KIF24: variants seen among roughly 807,000 people sequenced by gnomAD.
The protein encoded by KIF24 is kinesin-like protein KIF24.
In KIF24, 81 loss-of-function variants were observed where a neutral mutation model predicts 118.9. The ratio of observed to expected loss-of-function variants is 0.68; its 90% CI spans 0.57 to 0.82. KIF24 has a LOEUF of 0.82. Among genes scored for constraint, KIF24 ranks in the 40% least tolerant of loss-of-function variants. KIF24 has a pLI of 0.00. For synonymous variants in KIF24, 599 were observed against 610.0 expected, an observed-to-expected ratio of 0.98 and a Z score of 0.27; for missense variants, 1,560 against 1,661.6, an observed-to-expected ratio of 0.94 and a Z score of 1.06.
At chr9:34,314,157 G>T (rs549060118) in intron 1 of KIF24, among the ~76,000 whole-genome samples, 28 of 150,756 alleles carry the variant, frequency 1.9e-4, no homozygotes, top group South Asian at 6.3e-4. Flanking sequence ...GGGTTTTTTT[G>T]TTGTTGTTGT....
chr9:34,255,833 C>T lies in KIF24; in HGVS notation c.3774G>A (p.Pro1258=), dbSNP rs775410139. 2.6e-5 allele frequency: 42 copies of T among 1,613,850 alleles called. No homozygotes were observed. Among genetic ancestry groups the T allele is most frequent in the South Asian group, 3.3e-5 (3 of 91,072 alleles). The change falls in exon 11 of 13, where the codon CCG becomes CCA. Residue 1258 remains proline, a synonymous_variant. Coordinates refer to ENST00000402558, the MANE Select transcript of KIF24 (RefSeq NM_194313.4). The part of the protein sequence containing the change: ...SENVTWLKPR[P]ISRCLARPSS... ...TTGGCCTTGCTAAGCACCTTGAGAT[C>T]GGCCTGGGTTTGAGCCATGTGACAT...
chr9:34,279,999 T>G (rs1399459860), intron 6 of KIF24, among the ~76,000 whole-genome samples: 1 of 152,072 alleles, frequency 6.6e-6, no homozygotes, highest in Admixed American at 6.6e-5. Flanking sequence ...AATAGAACAG[T>G]GCCGGCCGGG....
intron 7 of KIF24, 27 bp from the exon 8 acceptor site, chr9:34,269,389 CT>C: frequency 1.3e-6 from 1 of 785,048 alleles, no homozygotes; most frequent in Non-Finnish European, 2.0e-6. Context: ...GCAGGAGTGA[CT>C]TCTGTGAAGC....
rs1001600977 is a variant in KIF24, at chr9:34,267,964, G to A, written c.1443+1293C>T. Reference sequence around the variant, plus strand: ...CCCAGTTTTCTTCAACCAATACACTGATATAGAAAAAATGAAAGAGGGAAT... The same window carrying A: ...CCCAGTTTTCTTCAACCAATACACTAATATAGAAAAAATGAAAGAGGGAAT... On this transcript the variant is annotated intron_variant, in intron 8 of 12. Coordinates refer to ENST00000402558, the MANE Select transcript of KIF24 (RefSeq NM_194313.4). Among the ~76,000 whole-genome samples the A allele has an allele frequency of 3.3e-5, 5 of 152,094 alleles. No individual in the cohort carries two copies. In the South Asian group the frequency reaches 8.3e-4, roughly 25 times the overall value.
chr9:34,264,160 G>A (rs999390571), intron 8 of KIF24, among the ~76,000 whole-genome samples: 4 of 152,000 alleles, frequency 2.6e-5, no homozygotes, highest in Admixed American at 6.6e-5. Flanking sequence ...AGTGGCTCAT[G>A]CCTGTAATCC....
intron 1 of KIF24, among the ~76,000 whole-genome samples, chr9:34,317,590 T>C (rs12378125): frequency 0.12 from 18,804 of 152,150 alleles, 1,518 homozygotes; most frequent in Non-Finnish European, 0.18. Flanking sequence ...AGTAGCACGA[T>C]TAAAATCTCT....
At chr9:34,265,004 A>AT (rs1300358353) in intron 8 of KIF24, among the ~76,000 whole-genome samples, 2 of 152,134 alleles carry the variant, frequency 1.3e-5, no homozygotes, top group South Asian at 2.1e-4. Context: ...GTATGTTAGC[A>AT]TTTTTTCTAA....
At chr9:34,285,945 A>T (rs1836033744) in intron 6 of KIF24, among the ~76,000 whole-genome samples, 1 of 151,168 alleles carries the variant, frequency 6.6e-6, no homozygotes, top group Non-Finnish European at 1.5e-5. Flanking sequence ...AAAAAAAAAA[A>T]AAAAAGTAAA....
intron 1 of KIF24, among the ~76,000 whole-genome samples, chr9:34,327,956 G>A (rs1376882007): frequency 6.6e-6 from 1 of 152,004 alleles, no homozygotes; most frequent in East Asian, 1.9e-4. Flanking sequence ...TCCACTACAT[G>A]TCACAGCTAT....
chr9:34,263,929 G>C (rs888406966), intron 8 of KIF24, among the ~76,000 whole-genome samples: 13 of 151,918 alleles, frequency 8.6e-5, no homozygotes, highest in African/African-American at 3.1e-4. Context: ...CAAAGGCAAA[G>C]GAATGTTCCT....
chr9:34,279,346 C>T (rs1212769589), intron 6 of KIF24, among the ~76,000 whole-genome samples: 1 of 152,120 alleles, frequency 6.6e-6, no homozygotes, highest in East Asian at 1.9e-4. Flanking sequence ...ACAGCCAAGG[C>T]AATGATAAAA....
Position 34,297,114 on chromosome 9 carries a change from G to A in KIF24, c.814C>T (p.His272Tyr). The A allele has an allele frequency of 1.3e-6, 2 of 1,536,478 alleles. No individual in the cohort carries two copies. Among genetic ancestry groups the A allele is most frequent in the South Asian group, 1.2e-5 (1 of 83,352 alleles). ...AVDLTQYILQ[H>Y]VFYFDEVFGE... ...AAGACTTCATCAAAATAAAAAACAT[G>A]CTGAAAAATAAATTTGATTTTATGG... The change falls in exon 4 of 13, where the codon CAT becomes TAT. Residue 272 changes from histidine to tyrosine, a missense_variant and splice_region_variant. His to Tyr is a moderately conservative substitution (Grantham distance 83, BLOSUM62 2). This residue lies in a region of KIF24 where 964 missense variants were observed against 988.0 expected (regional missense o/e 0.98). Transcript: ENST00000402558.
intron 1 of KIF24, among the ~76,000 whole-genome samples, chr9:34,316,932 C>T (rs548625999): frequency 1.3e-5 from 2 of 150,382 alleles, no homozygotes; most frequent in South Asian, 2.1e-4. Flanking sequence ...ATTGGCCGGG[C>T]GGCTGAGCAC....
chr9:34,269,889 GGCCA>G (rs1835437486), intron 7 of KIF24, among the ~76,000 whole-genome samples: 1 of 151,744 alleles, frequency 6.6e-6, no homozygotes, highest in African/African-American at 2.4e-5. Context: ...AGGAGTTCTA[GGCCA>G]GCCTAAGCAA....
In KIF24 at chr9:34,254,434, GAGCTGC is replaced by G. The variant is rs1443663680; in HGVS notation, c.4047_4052del (p.Gln1350_Leu1351del). The stretch of plus-strand genomic sequence containing the variant: ...CGGTGGGCCCGTGGCAGGTGAGATA[GAGCTGC>G]AGCTGGCTCCTCAGACTCTGGATAC... On this transcript the variant is annotated inframe_deletion, in exon 13 of 13. Transcript: ENST00000402558. The G allele has an allele frequency of 6.2e-7, 1 of 1,613,892 alleles. No homozygotes were observed. The highest frequency in any genetic ancestry group is 8.5e-7 in the Non-Finnish European group (1 of 1,179,866).
At chr9:34,258,428 C>T (rs1255225476) in intron 10 of KIF24, among the ~76,000 whole-genome samples, 1 of 152,172 alleles carries the variant, frequency 6.6e-6, no homozygotes, top group Non-Finnish European at 1.5e-5. Context: ...CATGATCACA[C>T]TATTACACTC....
At chr9:34,327,659 C>T (rs555555586) in intron 1 of KIF24, among the ~76,000 whole-genome samples, 6 of 152,078 alleles carry the variant, frequency 3.9e-5, no homozygotes, top group African/African-American at 1.4e-4. Flanking sequence ...GTCTACCTGA[C>T]ATCAACTACT....
chr9:34,276,112 G>T (rs1835650922), intron 6 of KIF24, among the ~76,000 whole-genome samples: 1 of 151,972 alleles, frequency 6.6e-6, no homozygotes. Context: ...AGTGAATTAA[G>T]AATAATGAGG....
chr9:34,320,673 A>G (rs1333985226), intron 1 of KIF24, among the ~76,000 whole-genome samples: 3 of 151,286 alleles, frequency 2.0e-5, no homozygotes, highest in African/African-American at 7.2e-5. Context: ...AAAAAAAAAA[A>G]AAAAAAAAGG....
Sources: gnomAD v4.1 joint callset for allele counts (sites outside exome capture counted in the v4.1 genomes callset) on GRCh38, gnomAD v4.1.1 for gene constraint, gnomAD v4.1.1 regional missense constraint, MANE v1.5 for transcripts, NCBI Gene and HGNC (gene_info 2026-07-23, HGNC 2026-07-21) for gene names.